CSMD1: variants seen among roughly 807,000 people sequenced by gnomAD.
CSMD1 encodes CUB and sushi domain-containing protein 1.
Under a neutral mutation model 417.5 loss-of-function variants are expected in CSMD1, and 213 were observed. The ratio of observed to expected loss-of-function variants is 0.51; its 90% confidence interval spans 0.46 to 0.57. The LOEUF is 0.57. Among genes scored for constraint, CSMD1 ranks in the 20% least tolerant of loss-of-function variants. CSMD1 has a pLI of 0.00. For missense variants in CSMD1, 6,923 were observed against 4,529.7 expected (o/e 1.53, Z -15.17); for synonymous variants, 2,862 against 1,736.8 (o/e 1.65, Z -16.11).
intron 1 of CSMD1, among the ~76,000 whole-genome samples, chr8:4,878,464 G>A (rs1255468340): frequency 6.6e-6 from 1 of 151,878 alleles, no homozygotes; most frequent in Non-Finnish European, 1.5e-5. Flanking sequence ...AGGAAGGTAG[G>A]TAGAGGTAAG....
At chr8:3,792,569 T>G (rs765721383) in intron 5 of CSMD1, among the ~76,000 whole-genome samples, 14 of 152,186 alleles carry the variant, frequency 9.2e-5, no homozygotes, top group Non-Finnish European at 1.6e-4. Flanking sequence ...AATTGACTCC[T>G]CCTTTGTTAG....
At chr8:3,500,131 C>G (rs77464161) in intron 10 of CSMD1, among the ~76,000 whole-genome samples, 2,846 of 152,226 alleles carry the variant, frequency 0.019, 167 homozygotes, top group East Asian at 0.12. Flanking sequence ...CTGCGCACTT[C>G]ACGTTCATCT....
intron 1 of CSMD1, among the ~76,000 whole-genome samples, chr8:4,821,817 A>C (rs1159236835): frequency 6.6e-6 from 1 of 152,156 alleles, no homozygotes; most frequent in Non-Finnish European, 1.5e-5. Context: ...ACTAAATAAA[A>C]GCCAACAAAC....
At chr8:4,176,267 C>CA (rs1563226572) in intron 3 of CSMD1, among the ~76,000 whole-genome samples, 2 of 152,002 alleles carry the variant, frequency 1.3e-5, no homozygotes, top group African/African-American at 4.8e-5. Flanking sequence ...GATTAGACTG[C>CA]AAAAAATGAG....
chr8:4,059,421 A>G (rs1798857457), intron 3 of CSMD1, among the ~76,000 whole-genome samples: 1 of 152,220 alleles, frequency 6.6e-6, no homozygotes, highest in African/African-American at 2.4e-5. Flanking sequence ...AAGCTAGCAG[A>G]AGGCAAGAAA....
intron 3 of CSMD1, among the ~76,000 whole-genome samples, chr8:4,318,775 T>C (rs1430282867): frequency 6.6e-6 from 1 of 151,610 alleles, no homozygotes; most frequent in Non-Finnish European, 1.5e-5. Flanking sequence ...ATACCATATA[T>C]TGGCATTGTA....
intron 59 of CSMD1, among the ~76,000 whole-genome samples, chr8:2,964,369 G>A (rs1803767972): frequency 6.6e-6 from 1 of 152,212 alleles, no homozygotes; most frequent in Non-Finnish European, 1.5e-5. Context: ...CCCACAGCGA[G>A]GGCTGGGGAA....
In CSMD1 at chr8:4,153,802, T is replaced by C. The variant is rs143139286; in HGVS notation, c.416-121703A>G. Among the ~76,000 whole-genome samples, 747 of 152,348 alleles carry C rather than the reference T, an allele frequency of 4.9e-3. 3 individuals carry two copies. The highest frequency in any genetic ancestry group is 0.031 in the South Asian group (148 of 4,830). On this transcript the variant is annotated intron_variant, in intron 3 of 69. Transcript: ENST00000635120. ...AGGGGAAACACAGTTTTTATGTATTTGTGTCTGAAACAAAAAATGACGGAA... is the reference window on the plus strand; with the variant it reads ...AGGGGAAACACAGTTTTTATGTATTCGTGTCTGAAACAAAAAATGACGGAA...
intron 1 of CSMD1, among the ~76,000 whole-genome samples, chr8:4,829,113 A>C: frequency 6.6e-6 from 1 of 152,280 alleles, no homozygotes; most frequent in Non-Finnish European, 1.5e-5. Flanking sequence ...AATGGTTAAA[A>C]TATCTGTTTC....
intron 1 of CSMD1, among the ~76,000 whole-genome samples, chr8:4,741,378 C>T (rs1810595162): frequency 6.6e-6 from 1 of 152,164 alleles, no homozygotes; most frequent in African/African-American, 2.4e-5. Flanking sequence ...ATTGAAAGGA[C>T]ACTATTATTC....
intron 1 of CSMD1, among the ~76,000 whole-genome samples, chr8:4,918,232 C>T (rs1335532069): frequency 1.3e-5 from 2 of 152,188 alleles, no homozygotes; most frequent in Non-Finnish European, 2.9e-5. Flanking sequence ...TCAAGGACAT[C>T]ACTCAAGGCC....
intron 20 of CSMD1, among the ~76,000 whole-genome samples, chr8:3,363,924 T>A (rs898912728): frequency 6.6e-6 from 1 of 152,174 alleles, no homozygotes; most frequent in Non-Finnish European, 1.5e-5. Context: ...CCAACTGGAA[T>A]ACGGGGCTCT....
At chr8:3,832,692 A>C (rs996566837) in intron 5 of CSMD1, among the ~76,000 whole-genome samples, 4 of 152,198 alleles carry the variant, frequency 2.6e-5, no homozygotes, top group Non-Finnish European at 5.9e-5. Context: ...TAGATTCATG[A>C]CTGTATTTCA....
intron 23 of CSMD1, among the ~76,000 whole-genome samples, chr8:3,329,046 C>G (rs1344768589): frequency 6.6e-6 from 1 of 151,986 alleles, no homozygotes; most frequent in Non-Finnish European, 1.5e-5. Flanking sequence ...AATATGGAGG[C>G]TGCTGTTGGC....
intron 3 of CSMD1, among the ~76,000 whole-genome samples, chr8:4,076,699 G>C (rs1178658028): frequency 6.6e-6 from 1 of 152,120 alleles, no homozygotes; most frequent in Non-Finnish European, 1.5e-5. Context: ...GCCATATCTT[G>C]TCTTTCACTG....
intron 5 of CSMD1, among the ~76,000 whole-genome samples, chr8:3,899,453 T>C (rs1286031384): frequency 1.3e-5 from 2 of 151,996 alleles, no homozygotes; most frequent in African/African-American, 2.4e-5. Flanking sequence ...GGAGATGGGG[T>C]GGTATTGATC....
chr8:3,509,132 T>C (rs1585275844), intron 10 of CSMD1, among the ~76,000 whole-genome samples: 2 of 152,318 alleles, frequency 1.3e-5, no homozygotes, highest in East Asian at 3.9e-4. Context: ...GAGAATTTAC[T>C]CTAAGTATTC....
chr8:3,518,548 T>C (rs1188732615), intron 10 of CSMD1, among the ~76,000 whole-genome samples: 3 of 152,160 alleles, frequency 2.0e-5, no homozygotes, highest in South Asian at 4.1e-4. Context: ...TAAAGTAAAA[T>C]GCAGTATCTA....
At chr8:4,661,368 G>A (rs924474409) in intron 1 of CSMD1, among the ~76,000 whole-genome samples, 1 of 152,196 alleles carries the variant, frequency 6.6e-6, no homozygotes, top group African/African-American at 2.4e-5. Flanking sequence ...GAACTAGGCT[G>A]AGTATACAAA....
Sources: allele counts gnomAD v4.1 joint callset (sites outside exome capture counted in the v4.1 genomes callset), GRCh38; gene constraint gnomAD v4.1.1; transcripts MANE v1.5; gene names NCBI Gene and HGNC (gene_info 2026-07-23, HGNC 2026-07-21).